GRM7: variants seen among roughly 807,000 people sequenced by gnomAD.
The protein encoded by GRM7 is glutamate metabotropic receptor 7, also known as metabotropic glutamate receptor 7.
GRM7 carries 35 observed loss-of-function variants against 84.5 expected under a neutral mutation model. The ratio of observed to expected loss-of-function variants is 0.41; its 90% CI spans 0.32 to 0.55. The LOEUF (loss-of-function observed/expected upper bound fraction) is 0.55, where lower values mean the gene tolerates loss of function less well. GRM7 is among the 20% of genes least tolerant of loss of function. The pLI, the probability that GRM7 is intolerant of heterozygous loss-of-function variation, is 0.19. For synonymous variants in GRM7, 487 were observed against 455.1 expected, an observed-to-expected ratio of 1.07 and a Z score of -0.89; for missense variants, 1,003 against 1,194.6, an observed-to-expected ratio of 0.84 and a Z score of 2.36.
Position 7,016,804 on chromosome 3 carries a change from G to T in GRM7, c.520-129648G>T, listed in dbSNP as rs553753365. Among the ~76,000 whole-genome samples the T allele has an allele frequency of 2.6e-5, 4 of 152,298 alleles. No homozygotes were observed. In the East Asian group the frequency reaches 7.7e-4, roughly 29 times the overall value. On this transcript the variant is annotated intron_variant, in intron 1 of 9. Transcript: ENST00000357716. Reference sequence around the variant, plus strand: ...ATTGCCACTATAGTATTGTTTTAGAGACAAAGAAACTGAGACCTAAGGAGA... The same window carrying T: ...ATTGCCACTATAGTATTGTTTTAGATACAAAGAAACTGAGACCTAAGGAGA...
chr3:6,872,845 T>G (rs1179814035), intron 1 of GRM7, among the ~76,000 whole-genome samples: 1 of 152,224 alleles, frequency 6.6e-6, no homozygotes, highest in Non-Finnish European at 1.5e-5. Flanking sequence ...TGCCACATTT[T>G]CTTTATCCAG....
chr3:7,460,949 C>T (rs1159622371), intron 6 of GRM7, among the ~76,000 whole-genome samples: 7 of 152,160 alleles, frequency 4.6e-5, no homozygotes, highest in Admixed American at 2.0e-4. Context: ...TTAAGATAGA[C>T]ATTTTAGGAA....
chr3:7,082,312 CTCTG>C (rs1364669972), intron 1 of GRM7, among the ~76,000 whole-genome samples: 2 of 152,092 alleles, frequency 1.3e-5, no homozygotes, highest in East Asian at 1.9e-4. Flanking sequence ...GATTAATCTA[CTCTG>C]TCTGTGCTCT....
intron 8 of GRM7, among the ~76,000 whole-genome samples, chr3:7,615,625 T>C (rs549963812): frequency 6.6e-6 from 1 of 152,270 alleles, no homozygotes; most frequent in East Asian, 1.9e-4. Flanking sequence ...TGGGTATATT[T>C]CTATGTAGTC....
chr3:7,536,734 C>G (rs1701259327), intron 7 of GRM7, among the ~76,000 whole-genome samples: 1 of 152,192 alleles, frequency 6.6e-6, no homozygotes, highest in Non-Finnish European at 1.5e-5. Flanking sequence ...AGCCTTGAGT[C>G]AGTGATCTTG....
chr3:6,962,391 T>C (rs1350915136), intron 1 of GRM7, among the ~76,000 whole-genome samples: 4 of 151,656 alleles, frequency 2.6e-5, no homozygotes, highest in African/African-American at 9.7e-5. Flanking sequence ...TATAGCAAAG[T>C]GAAGAAAGCT....
At chr3:7,449,953 T>C (rs1266262995) in intron 5 of GRM7, among the ~76,000 whole-genome samples, 3 of 152,052 alleles carry the variant, frequency 2.0e-5, no homozygotes, top group Non-Finnish European at 4.4e-5. Flanking sequence ...ATTAAATCAA[T>C]GCATTTTATT....
chr3:7,039,495 G>T (rs1696512483), intron 1 of GRM7, among the ~76,000 whole-genome samples: 1 of 152,162 alleles, frequency 6.6e-6, no homozygotes, highest in African/African-American at 2.4e-5. Context: ...CCTTTCAAGG[G>T]ATTAGAGCAA....
rs1699207561 is a variant in GRM7 at position 7,280,195 on chromosome 3, A to G, written c.737-18489A>G. ...TATTGTTTGGGGCAAACTTTAATTT[A>G]TCTACATTAGCAAAACTCAGTAAAA... is the stretch of plus-strand genomic sequence containing the variant. On this transcript the variant is annotated intron_variant, in intron 2 of 9. Transcript: ENST00000357716. Among the ~76,000 whole-genome samples, 4 of 152,330 alleles carry G rather than the reference A, an allele frequency of 2.6e-5. No homozygotes were observed. In the South Asian group the frequency reaches 6.2e-4, roughly 24 times the overall value.
chr3:7,737,410 A>G (rs1702540924), intron 9 of GRM7, among the ~76,000 whole-genome samples: 1 of 152,208 alleles, frequency 6.6e-6, no homozygotes, highest in Admixed American at 6.5e-5. Context: ...TAACTTTATA[A>G]GAGAAAAACA....
chr3:7,076,943 A>G (rs966316970), intron 1 of GRM7, among the ~76,000 whole-genome samples: 2 of 152,196 alleles, frequency 1.3e-5, no homozygotes, highest in East Asian at 1.9e-4. Context: ...AAAAGAAGAT[A>G]TTTATGCAGC....
chr3:7,661,757 G>A (rs1029563681), intron 8 of GRM7, among the ~76,000 whole-genome samples: 2 of 119,046 alleles, frequency 1.7e-5, no homozygotes, highest in African/African-American at 6.3e-5. Context: ...TCGTGCCACT[G>A]CACTCCAGCC....
intron 1 of GRM7, among the ~76,000 whole-genome samples, chr3:7,050,290 T>C (rs150564318): frequency 2.6e-3 from 394 of 152,044 alleles, no homozygotes; most frequent in Non-Finnish European, 4.4e-3. Flanking sequence ...AAGTCTGTTC[T>C]AAAACAAAAG....
intron 7 of GRM7, among the ~76,000 whole-genome samples, chr3:7,558,917 G>A (rs1361202457): frequency 6.6e-6 from 1 of 152,064 alleles, no homozygotes; most frequent in East Asian, 1.9e-4. Context: ...ATTGAAATCT[G>A]GGAAGCTTGT....
chr3:7,168,267 T>C (rs1185339008), intron 2 of GRM7, among the ~76,000 whole-genome samples: 1 of 152,172 alleles, frequency 6.6e-6, no homozygotes, highest in South Asian at 2.1e-4. Context: ...GTAAATATAA[T>C]TCCCATTGTT....
chr3:7,275,768 G>A (rs1301199455), intron 2 of GRM7, among the ~76,000 whole-genome samples: 1 of 152,172 alleles, frequency 6.6e-6, no homozygotes, highest in Non-Finnish European at 1.5e-5. Context: ...ATGGAGACAT[G>A]AGGGGATTTT....
intron 1 of GRM7, among the ~76,000 whole-genome samples, chr3:6,950,304 A>G (rs552614096): frequency 1.3e-5 from 2 of 152,204 alleles, no homozygotes; most frequent in Middle Eastern, 6.8e-3. Flanking sequence ...GGTCTGTTGG[A>G]GTTTACTGGA....
intron 7 of GRM7, among the ~76,000 whole-genome samples, chr3:7,495,366 A>G (rs1699664266): frequency 6.6e-6 from 1 of 152,110 alleles, no homozygotes; most frequent in African/African-American, 2.4e-5. Flanking sequence ...TACAACAGTC[A>G]TGGGCCTGCA....
At chr3:7,522,682 G>A (rs943177646) in intron 7 of GRM7, among the ~76,000 whole-genome samples, 1 of 152,164 alleles carries the variant, frequency 6.6e-6, no homozygotes, top group African/African-American at 2.4e-5. Flanking sequence ...AAGACTGAAA[G>A]AATTAAGTAA....
Sources: gnomAD v4.1 joint callset for allele counts (sites outside exome capture counted in the v4.1 genomes callset) on GRCh38, gnomAD v4.1.1 for gene constraint, MANE v1.5 for transcripts, NCBI Gene and HGNC (gene_info 2026-07-23, HGNC 2026-07-21) for gene names.